Variants in ANKRD28 observed in about 807,000 individuals in gnomAD.
The protein encoded by ANKRD28 is serine/threonine-protein phosphatase 6 regulatory ankyrin repeat subunit A.
In ANKRD28, 44 loss-of-function variants were observed where a neutral mutation model predicts 126.5. The ratio of observed to expected loss-of-function variants is 0.35; its 90% CI spans 0.27 to 0.45. The LOEUF is 0.45. ANKRD28 is among the 20% of genes least tolerant of loss of function. ANKRD28 has a pLI of 1.00. For synonymous variants in ANKRD28, 442 were observed against 468.5 expected (o/e 0.94, Z 0.73); for missense variants, 1,110 against 1,316.6 (o/e 0.84, Z 2.43).
chr3:15,732,818 T>A (rs2074736448), intron 6 of ANKRD28: 1 of 152,208 alleles, frequency 6.6e-6, no homozygotes, highest in African/African-American at 2.4e-5. Flanking sequence ...CAAGCCCAAA[T>A]CCTTGTAACA....
Position 15,812,030 on chromosome 3 carries a change from G to A in ANKRD28, c.28-16724C>T, listed in dbSNP as rs1575752465. 6.6e-6 allele frequency among the ~76,000 whole-genome samples: 1 copy of A among 151,966 alleles called. No homozygotes were observed. Among genetic ancestry groups the A allele is most frequent in the Non-Finnish European group, 1.5e-5 (1 of 67,982 alleles). On this transcript the variant is annotated intron_variant, in intron 1 of 27. Coordinates refer to the ANKRD28 transcript ENST00000399451. The surrounding 1 kb of genome is among the most constrained non-coding windows in gnomAD (Gnocchi z 4.1). The stretch of plus-strand genomic sequence containing the variant: ...TAGCCAGGCGTGGTGGTACGCACCT[G>A]TAGTCCCAGCTACTCAGGAGGCTGA...
upstream of ANKRD28, among the ~76,000 whole-genome samples, chr3:15,801,767 G>GT (rs1300779254): frequency 1.3e-5 from 2 of 151,962 alleles, no homozygotes; most frequent in Non-Finnish European, 2.9e-5. This position sits in a 1 kb window ranked among gnomAD's most constrained non-coding sequence, Gnocchi z 4.9. Flanking sequence ...AAGTCACTAG[G>GT]TATTCAAAAC....
chr3:15,675,145 C>T (rs2066802022), intron 27 of ANKRD28, among the ~76,000 whole-genome samples: 1 of 152,098 alleles, frequency 6.6e-6, no homozygotes, highest in African/African-American at 2.4e-5. Flanking sequence ...TGGCAGGTGT[C>T]AGTAATCCCA....
At chr3:15,823,234 T>G (rs1383564255) in intron 1 of ANKRD28, among the ~76,000 whole-genome samples, 1 of 152,110 alleles carries the variant, frequency 6.6e-6, no homozygotes, top group African/African-American at 2.4e-5. Flanking sequence ...ACAATAGGCT[T>G]CCTATGAGAA....
intron 6 of ANKRD28, among the ~76,000 whole-genome samples, chr3:15,726,971 G>A (rs1034892717): frequency 6.6e-6 from 1 of 152,130 alleles, no homozygotes; most frequent in Non-Finnish European, 1.5e-5. Flanking sequence ...TTTATAACAC[G>A]GTTTACTGAA....
At chr3:15,825,617 C>T (rs918145459) in intron 1 of ANKRD28, among the ~76,000 whole-genome samples, 6 of 151,892 alleles carry the variant, frequency 4.0e-5, no homozygotes, top group African/African-American at 1.5e-4. Flanking sequence ...GGGAAAAACC[C>T]ATAAAAGATT....
chr3:15,784,673 G>C (rs2059692535), intron 2 of ANKRD28, among the ~76,000 whole-genome samples: 1 of 151,936 alleles, frequency 6.6e-6, no homozygotes, highest in Non-Finnish European at 1.5e-5. Context: ...GAATCACTCT[G>C]AATGTCAATG....
chr3:15,859,298 C>A (rs2061852599), intron 1 of ANKRD28: 19 of 1,502,970 alleles, frequency 1.3e-5, no homozygotes, highest in Non-Finnish European at 1.7e-5. Context: ...GCGGGCGTCC[C>A]AGCGGCCCAC....
intron 26 of ANKRD28, 95 bp from the exon 27 acceptor site, chr3:15,676,084 T>C (rs1270767605): frequency 4.0e-6 from 4 of 1,008,624 alleles, no homozygotes; most frequent in Non-Finnish European, 4.3e-6. Context: ...TGTCAACTTG[T>C]GAAGACCAAG....
chr3:15,749,985 A>G (rs774639165), intron 4 of ANKRD28, among the ~76,000 whole-genome samples: 21 of 152,314 alleles, frequency 1.4e-4, no homozygotes, highest in South Asian at 8.3e-4. Flanking sequence ...GAAGAGTAGA[A>G]TTAAGAAACT....
chr3:15,735,840 T>C (rs55958922), intron 5 of ANKRD28, among the ~76,000 whole-genome samples: 3,001 of 152,304 alleles, frequency 0.02, 61 homozygotes, highest in Non-Finnish European at 0.031. Context: ...TAAAAGTGCA[T>C]TCTCATTCTA....
rs761618963 is a variant in ANKRD28 at position 15,808,522 on chromosome 3, C to G, written c.28-13216G>C. 4.1e-4 allele frequency among the ~76,000 whole-genome samples: 63 copies of G among 152,170 alleles called. 4 individuals are homozygous for G. The highest frequency in any genetic ancestry group is 2.6e-4 in the Admixed American group (4 of 15,274). ...GATCTTTCATTTATTCAATAGTCAT[C>G]TTTCATTTATTAAGTACTTCTTACA... On this transcript the variant is annotated intron_variant, in intron 1 of 27. Coordinates refer to the ANKRD28 transcript ENST00000399451.
intron 5 of ANKRD28, 138 bp downstream of exon 5, chr3:15,736,895 A>G (rs1252192052): frequency 7.0e-6 from 6 of 857,220 alleles, no homozygotes; most frequent in Admixed American, 2.5e-5. Flanking sequence ...AGAAAGTTAT[A>G]AAAGGAGGCA....
At chr3:15,710,709 A>G (rs1169969332) in intron 12 of ANKRD28, among the ~76,000 whole-genome samples, 1 of 152,204 alleles carries the variant, frequency 6.6e-6, no homozygotes, top group Non-Finnish European at 1.5e-5. Context: ...TGTTGCTCGT[A>G]TGAACCAACT....
At chr3:15,820,406 G>T (rs1238339210) in intron 1 of ANKRD28, among the ~76,000 whole-genome samples, 2 of 152,158 alleles carry the variant, frequency 1.3e-5, no homozygotes, top group Non-Finnish European at 2.9e-5. Flanking sequence ...AGAGGAATAT[G>T]TTAAACAACA....
intron 1 of ANKRD28, among the ~76,000 whole-genome samples, chr3:15,820,585 TAACA>T (rs1471753001): frequency 6.6e-6 from 1 of 152,178 alleles, no homozygotes; most frequent in Non-Finnish European, 1.5e-5. Flanking sequence ...AGATCTATTC[TAACA>T]AACTAACCTT....
intron 3 of ANKRD28, among the ~76,000 whole-genome samples, chr3:15,763,063 AG>A (rs1273219784): frequency 6.6e-6 from 1 of 152,194 alleles, no homozygotes; most frequent in Non-Finnish European, 1.5e-5. Flanking sequence ...TTTGTTTATA[AG>A]CAGAAAGCTG....
At chr3:15,835,705 A>G (rs1351922700) in intron 1 of ANKRD28, among the ~76,000 whole-genome samples, 1 of 152,200 alleles carries the variant, frequency 6.6e-6, no homozygotes, top group East Asian at 1.9e-4. Flanking sequence ...CGCAATCCTT[A>G]GTCAACTAAT....
At chr3:15,799,348 C>G (rs1392779428), upstream of ANKRD28, among the ~76,000 whole-genome samples, 1 of 150,744 alleles carries the variant, frequency 6.6e-6, no homozygotes, top group Non-Finnish European at 1.5e-5. Context: ...CAGCATGATA[C>G]AAATATAAGA....
Sources: gnomAD v4.1 joint callset for allele counts (sites outside exome capture counted in the v4.1 genomes callset) on GRCh38, gnomAD v4.1.1 for gene constraint, Gnocchi (gnomAD v3.1) non-coding constraint, MANE v1.5 for transcripts, NCBI Gene and HGNC (gene_info 2026-07-23, HGNC 2026-07-21) for gene names.